CRB1: variants seen among roughly 807,000 people sequenced by gnomAD.
CRB1 encodes protein crumbs homolog 1.
A neutral mutation model predicts 120.0 loss-of-function variants in CRB1; 83 were observed. That is an observed-to-expected ratio of 0.69 (90% CI 0.58 to 0.83). CRB1 has a LOEUF of 0.83. CRB1 is among the 40% of genes least tolerant of loss of function. The probability of loss-of-function intolerance (pLI) is 0.00; values close to 1 mark genes in which losing one functional copy is unlikely to be tolerated. For missense variants in CRB1, 1,699 were observed against 1,687.6 expected (o/e 1.01, Z -0.12); for synonymous variants, 625 against 612.5 (o/e 1.02, Z -0.30).
chr1:197,358,551 A>T lies in CRB1; in HGVS notation c.1171+1538A>T, dbSNP rs189638030. On this transcript the variant is annotated intron_variant, in intron 5 of 11. Coordinates refer to ENST00000367400, the MANE Select transcript of CRB1 (RefSeq NM_201253.3). ...GACTGCCCCAAATCTCTGTGGCTTA[A>T]TGCAATGGTTTATGTTTTACTCATG... Among the ~76,000 whole-genome samples the T allele has an allele frequency of 3.3e-5, 5 of 152,314 alleles. No individual in the cohort carries two copies. In the East Asian group the frequency reaches 9.7e-4, roughly 29 times the overall value.
At chr1:197,252,616 T>TGTGTGTG in the CRB1 span, among the ~76,000 whole-genome samples, 2 of 83,698 alleles carry the variant, frequency 2.4e-5, no homozygotes, top group East Asian at 4.0e-4. Context: ...GTGTGTGTGA[T>TGTGTGTG]ATATATATGT....
upstream of CRB1, chr1:197,268,156 C>A: frequency 4.4e-6 from 2 of 453,240 alleles, no homozygotes; most frequent in South Asian, 4.5e-5. Context: ...GGGAATGAAT[C>A]CAATCCAGCC....
In CRB1 at chr1:197,344,402, C is replaced by T; in HGVS notation, c.774C>T (p.His258=). Residue 258 remains histidine, a synonymous_variant, in exon 3 of 12, where the codon CAC becomes CAT. Transcript: ENST00000367400. The part of the protein sequence containing the change: ...CDCAPGFLGD[H]CELNTDECAS... ...GTGCCCCTGGATTCCTGGGGGATCA[C>T]TGTGAACTCAACACTGATGAGTGTG... is the stretch of plus-strand genomic sequence containing the variant. The T allele has an allele frequency of 6.2e-7, 1 of 1,614,084 alleles. No homozygotes were observed. Among genetic ancestry groups the T allele is most frequent in the Non-Finnish European group, 8.5e-7 (1 of 1,179,996 alleles).
At chr1:197,221,546 A>G in the CRB1 span, among the ~76,000 whole-genome samples, 1 of 152,238 alleles carries the variant, frequency 6.6e-6, no homozygotes. Context: ...TACACTGACA[A>G]AAAGCACATA....
At chr1:197,397,530 T>C (rs553224588) in intron 5 of CRB1, among the ~76,000 whole-genome samples, 9 of 152,302 alleles carry the variant, frequency 5.9e-5, no homozygotes, top group Non-Finnish European at 1.3e-4. Flanking sequence ...ATTTCTTCTT[T>C]ACTCATAATT....
chr1:197,351,364 C>T (rs1195008637), intron 4 of CRB1, among the ~76,000 whole-genome samples: 1 of 86,052 alleles, frequency 1.2e-5, no homozygotes, highest in Non-Finnish European at 2.1e-5. Flanking sequence ...TGAGACTTGG[C>T]AAAAAAAAAA....
Position 197,268,527 on chromosome 1 carries a change from CTTA to C in CRB1, c.70+50_70+52del, listed in dbSNP as rs3831282. On this transcript the variant is annotated intron_variant, in intron 1 of 11. Transcript: ENST00000367400. ...GGCATTTTTCCTGGTTTATTTCTGGCTTATTATATTTCTTACAAATAATGGATA... is the reference window on the plus strand; with the variant it reads ...GGCATTTTTCCTGGTTTATTTCTGGCTTATATTTCTTACAAATAATGGATA... 3,448 of 1,328,906 alleles carry C rather than the reference CTTA, an allele frequency of 2.6e-3. 36 individuals are homozygous for C. Among genetic ancestry groups the C allele is most frequent in the East Asian group, 0.015 (634 of 43,460 alleles). The allele number at this position is 1,328,906 out of a possible 1,614,324, so 82.3% of individuals were successfully genotyped here.
chr1:197,351,951 C>T (rs918927079), intron 4 of CRB1, among the ~76,000 whole-genome samples: 1 of 152,158 alleles, frequency 6.6e-6, no homozygotes, highest in South Asian at 2.1e-4. Context: ...GAAAAGGAGA[C>T]CATTTCTTCA....
the CRB1 span, among the ~76,000 whole-genome samples, chr1:197,216,137 C>A: frequency 6.6e-6 from 1 of 152,252 alleles, no homozygotes; most frequent in African/African-American, 2.4e-5. Flanking sequence ...CAGTATGTTA[C>A]CACTTTACCC....
chr1:197,295,432 A>G (rs1385164864), intron 1 of CRB1, among the ~76,000 whole-genome samples: 1 of 152,066 alleles, frequency 6.6e-6, no homozygotes, highest in Non-Finnish European at 1.5e-5. Flanking sequence ...GGTTAGAGCA[A>G]TTGAACTTGA....
the CRB1 span, among the ~76,000 whole-genome samples, chr1:197,236,088 T>G: frequency 6.6e-6 from 1 of 152,108 alleles, no homozygotes; most frequent in Non-Finnish European, 1.5e-5. Context: ...AAACACATTT[T>G]AGACAGAAAA....
chr1:197,220,751 C>A, the CRB1 span, among the ~76,000 whole-genome samples: 1 of 152,042 alleles, frequency 6.6e-6, no homozygotes, highest in Admixed American at 6.6e-5. Flanking sequence ...GTGAATTTCC[C>A]CCTTGCTGTT....
intron 5 of CRB1, among the ~76,000 whole-genome samples, chr1:197,366,884 G>C (rs1661106434): frequency 6.6e-6 from 1 of 152,164 alleles, no homozygotes; most frequent in African/African-American, 2.4e-5. Context: ...AGAGGCAGTA[G>C]TGGTTACTAT....
chr1:197,340,526 C>T (rs1002991368), intron 2 of CRB1, among the ~76,000 whole-genome samples: 6 of 151,740 alleles, frequency 4.0e-5, no homozygotes, highest in Admixed American at 6.6e-5. Context: ...AGAGTGATTG[C>T]GAAAAGAGAA....
intron 11 of CRB1, among the ~76,000 whole-genome samples, chr1:197,448,365 CAGG>C (rs1237676240): frequency 1.3e-5 from 2 of 152,092 alleles, no homozygotes; most frequent in African/African-American, 4.8e-5. Context: ...GCTAGGATGC[CAGG>C]AGTTCCACTG....
the CRB1 span, among the ~76,000 whole-genome samples, chr1:197,221,364 G>T: frequency 6.6e-6 from 1 of 152,196 alleles, no homozygotes; most frequent in African/African-American, 2.4e-5. Flanking sequence ...GTAGAATATT[G>T]TAGGATGAGT....
chr1:197,304,420 G>T, intron 1 of CRB1: 1 of 975,024 alleles, frequency 1.0e-6, no homozygotes, highest in Non-Finnish European at 1.2e-6. Context: ...AAAGGTAAAT[G>T]TATGTCCTGG....
intron 5 of CRB1, among the ~76,000 whole-genome samples, chr1:197,405,936 C>T (rs745599170): frequency 2.0e-5 from 3 of 151,262 alleles, no homozygotes; most frequent in African/African-American, 7.3e-5. Context: ...CCAGCCGTCC[C>T]GTCCGGGAGG....
At position 197,421,451 on chromosome 1, in the gene CRB1, C is replaced by A. The variant is rs1256037063; in HGVS notation, c.1623C>A (p.Tyr541Ter). Residue 541 changes from tyrosine to a stop codon, truncating the protein, a stop_gained, in exon 6 of 12, where the codon TAC becomes TAA. Transcript: ENST00000367400. LOFTEE classifies it high-confidence loss of function. ...TGAAGCTGGAGCTGCTAAGTGGCTACATTCACTTATCAATTCAGGTCAATA... is the reference window on the plus strand; with the variant it reads ...TGAAGCTGGAGCTGCTAAGTGGCTAAATTCACTTATCAATTCAGGTCAATA... ...VFVKLELLSG[Y>*]IHLSIQVNNQ... 1 of 1,614,084 alleles carries A rather than the reference C, an allele frequency of 6.2e-7. No homozygotes were observed. Among genetic ancestry groups the A allele is most frequent in the Non-Finnish European group, 8.5e-7 (1 of 1,180,040 alleles).
Sources: gnomAD v4.1 joint callset for allele counts (sites outside exome capture counted in the v4.1 genomes callset) on GRCh38, gnomAD v4.1.1 for gene constraint, MANE v1.5 for transcripts, NCBI Gene and HGNC (gene_info 2026-07-23, HGNC 2026-07-21) for gene names.